Variants in IRGM observed in about 807,000 individuals in gnomAD.
IRGM encodes the protein immunity-related GTPase family M protein.
For missense variants in IRGM, 288 were observed against 219.9 expected (o/e 1.31, Z -1.96); for synonymous variants, 98 against 80.6 (o/e 1.22, Z -1.16).
intron 1 of IRGM, among the ~76,000 whole-genome samples, chr5:150,860,267 A>G (rs11949356): frequency 0.028 from 4,337 of 152,324 alleles, 150 homozygotes; most frequent in South Asian, 0.076. Context: ...TATGCATTTC[A>G]TTACTGGATC....
intron 1 of IRGM, among the ~76,000 whole-genome samples, chr5:150,858,042 G>T (rs1485164892): frequency 1.3e-5 from 2 of 152,074 alleles, no homozygotes; most frequent in East Asian, 1.9e-4. Context: ...TTTCTTCTAG[G>T]GTTTTTATGG....
chr5:150,898,710 G>GA (rs1172994071), intron 3 of IRGM, among the ~76,000 whole-genome samples: 1 of 151,502 alleles, frequency 6.6e-6, no homozygotes, highest in East Asian at 2.0e-4. Context: ...CATATGAGGA[G>GA]AAAAAAAGAG....
intron 3 of IRGM, chr5:150,896,955 T>C: frequency 6.2e-7 from 1 of 1,611,140 alleles, no homozygotes; most frequent in Non-Finnish European, 8.5e-7. Context: ...CTGGGAGTTG[T>C]GAAGGTTACT....
intron 1 of IRGM, among the ~76,000 whole-genome samples, chr5:150,859,836 T>G (rs1052315865): frequency 6.6e-6 from 1 of 152,174 alleles, no homozygotes; most frequent in African/African-American, 2.4e-5. Context: ...TTATTAGTCT[T>G]GCTAGCGGTC....
chr5:150,856,354 C>A (rs909037373), intron 1 of IRGM, among the ~76,000 whole-genome samples: 1 of 152,132 alleles, frequency 6.6e-6, no homozygotes, highest in African/African-American at 2.4e-5. Flanking sequence ...TTGCTTGAAC[C>A]TGGGAGGCAG....
At chr5:150,869,807 C>A (rs950160460) in intron 1 of IRGM, among the ~76,000 whole-genome samples, 1 of 152,144 alleles carries the variant, frequency 6.6e-6, no homozygotes, top group African/African-American at 2.4e-5. Context: ...AAATGCCAAA[C>A]GACCACAGAA....
At position 150,847,882 on chromosome 5, in the gene IRGM, A is replaced by G; in HGVS notation, c.-242A>G. 4.2e-6 allele frequency: 2 copies of G among 481,590 alleles called. No homozygotes were observed. The highest frequency in any genetic ancestry group is 4.8e-5 in the South Asian group (2 of 41,928). The allele number at this position is 481,590 out of a possible 1,614,324, so 29.8% of individuals were successfully genotyped here. A position where few individuals can be genotyped will look rare whatever the true frequency, so the allele number is the denominator to read the frequency against. On this transcript the variant is annotated 5_prime_UTR_variant, in exon 2 of 2. Transcript: ENST00000522154. ...CAATGGCGTGATCTCAGCTCACTGC[A>G]ATATCTGCGTCCAGGGTTCAAGCGA...
In IRGM at chr5:150,885,837, A is replaced by C. The variant is rs574430512; in HGVS notation, c.*140+6191A>C. Among the ~76,000 whole-genome samples, 3 of 152,186 alleles carry C rather than the reference A, an allele frequency of 2.0e-5. No individual in the cohort carries two copies. In the South Asian group the frequency reaches 6.2e-4, roughly 32 times the overall value. On this transcript the variant is annotated intron_variant and NMD_transcript_variant, in intron 3 of 3. Transcript: ENST00000520549. ...GAGCTGAGACTATGGGGTTTTTTAG[A>C]TATAGAACCGTGCTATCTGCAAACA... is the stretch of plus-strand genomic sequence containing the variant.
At chr5:150,872,101 T>C (rs1185108211) in intron 1 of IRGM, among the ~76,000 whole-genome samples, 1 of 152,242 alleles carries the variant, frequency 6.6e-6, no homozygotes, top group Non-Finnish European at 1.5e-5. Context: ...TTAATGCTAT[T>C]TAGCTTACAA....
intron 3 of IRGM, among the ~76,000 whole-genome samples, chr5:150,885,332 T>C (rs1022776233): frequency 4.0e-5 from 6 of 149,436 alleles, no homozygotes; most frequent in African/African-American, 1.5e-4. Flanking sequence ...GTAGTATAGT[T>C]TGAAGTTGGG....
intron 3 of IRGM, among the ~76,000 whole-genome samples, chr5:150,886,447 T>C (rs1754523786): frequency 6.6e-6 from 1 of 152,074 alleles, no homozygotes; most frequent in South Asian, 2.1e-4. Context: ...TCATCCTCAA[T>C]TTTTTGGAAT....
chr5:150,852,297 T>A (rs905165467), downstream of IRGM, among the ~76,000 whole-genome samples: 5 of 152,224 alleles, frequency 3.3e-5, no homozygotes, highest in African/African-American at 1.2e-4. Context: ...TATATTCTTA[T>A]GTTTTAAAAA....
At chr5:150,860,877 A>G (rs1305454001) in intron 1 of IRGM, among the ~76,000 whole-genome samples, 1 of 152,192 alleles carries the variant, frequency 6.6e-6, no homozygotes, top group Non-Finnish European at 1.5e-5. Context: ...TGTGAGATCT[A>G]GGAAACTGAT....
Position 150,885,527 on chromosome 5 carries a change from G to T in IRGM, c.*140+5881G>T, listed in dbSNP as rs185806490. The stretch of plus-strand genomic sequence containing the variant: ...GTTTGGGAAGTACGCCCATTTTAAT[G>T]ATATTATTTTTATCCATGAGCATGG... On this transcript the variant is annotated intron_variant and NMD_transcript_variant, in intron 3 of 3. Coordinates refer to the IRGM transcript ENST00000520549. Among the ~76,000 whole-genome samples the T allele has an allele frequency of 3.4e-3, 511 of 152,032 alleles. 4 individuals carry two copies. The highest frequency in any genetic ancestry group is 3.7e-3 in the Non-Finnish European group (252 of 67,884).
chr5:150,877,866 A>AT (rs35823319), intron 1 of IRGM: 1 of 387,700 alleles, frequency 2.6e-6, no homozygotes, highest in South Asian at 1.9e-5. Flanking sequence ...CCTAGTTTGC[A>AT]TTTTTGCATA....
At chr5:150,871,693 T>A (rs990935109) in intron 1 of IRGM, among the ~76,000 whole-genome samples, 3 of 152,266 alleles carry the variant, frequency 2.0e-5, no homozygotes, top group African/African-American at 7.2e-5. Flanking sequence ...TTATGTTACC[T>A]GATTTACTGA....
chr5:150,851,330 C>T (rs755643255), downstream of IRGM, among the ~76,000 whole-genome samples: 3 of 152,054 alleles, frequency 2.0e-5, no homozygotes, highest in Non-Finnish European at 4.4e-5. Context: ...CCTTATCTGT[C>T]GTAGACATGA....
chr5:150,882,501 C>T (rs1334808609), intron 3 of IRGM, among the ~76,000 whole-genome samples: 1 of 151,800 alleles, frequency 6.6e-6, no homozygotes, highest in Non-Finnish European at 1.5e-5. Context: ...AACTGAAAGT[C>T]ATATGGAAAG....
intron 3 of IRGM, chr5:150,896,515 C>A (rs765737915): frequency 6.2e-7 from 1 of 1,613,546 alleles, no homozygotes. Context: ...TGATTATCAT[C>A]AAAAGGTATT....
Sources: gnomAD v4.1 joint callset for allele counts (sites outside exome capture counted in the v4.1 genomes callset) on GRCh38, gnomAD v4.1.1 for gene constraint, MANE v1.5 for transcripts, NCBI Gene and HGNC (gene_info 2026-07-23, HGNC 2026-07-21) for gene names.